Variants in ADCY7 observed in about 807,000 individuals in gnomAD.
ADCY7 encodes the protein adenylate cyclase 7, also known as adenylate cyclase type 7.
A neutral mutation model predicts 120.6 loss-of-function variants in ADCY7; 72 were observed. The ratio of observed to expected loss-of-function variants is 0.60; its 90% CI spans 0.49 to 0.73. ADCY7 has a LOEUF of 0.73. ADCY7 is among the 30% of genes least tolerant of loss of function. The pLI, the probability that ADCY7 is intolerant of heterozygous loss-of-function variation, is 0.00. For synonymous variants in ADCY7, 661 were observed against 628.0 expected (o/e 1.05, Z -0.78); for missense variants, 1,227 against 1,486.0 (o/e 0.83, Z 2.87).
At chr16:50,255,833 T>C (rs780742882) in intron 1 of ADCY7, among the ~76,000 whole-genome samples, 9 of 152,180 alleles carry the variant, frequency 5.9e-5, no homozygotes, top group Non-Finnish European at 1.2e-4. Context: ...GGACCCACTA[T>C]GGGAAAAGGA....
chr16:50,315,790 G>T lies in ADCY7; in HGVS notation c.*285G>T. ...TTCACTGGTTCGGGGCTGACTTTGA[G>T]ATCTTTGTTCCCTGAGGTGCCAGGC... On this transcript the variant is annotated 3_prime_UTR_variant, in exon 26 of 26. Transcript: ENST00000673801. 2.8e-6 allele frequency: 1 copy of T among 356,460 alleles called. No homozygotes were observed. Among genetic ancestry groups the T allele is most frequent in the Admixed American group, 3.9e-5 (1 of 25,466 alleles). The allele number at this position is 356,460 out of a possible 1,614,324, so 22.1% of individuals were successfully genotyped here. A position where few individuals can be genotyped will look rare whatever the true frequency, so the allele number is the denominator to read the frequency against.
intron 1 of ADCY7, among the ~76,000 whole-genome samples, chr16:50,282,185 G>A (rs535959512): frequency 3.2e-4 from 48 of 152,354 alleles, no homozygotes; most frequent in African/African-American, 1.1e-3. Context: ...AACAGTGGCC[G>A]GGTGAGGAAG....
intron 15 of ADCY7, 82 bp downstream of exon 15, chr16:50,307,229 T>C: frequency 1.6e-5 from 22 of 1,396,264 alleles, no homozygotes; most frequent in Non-Finnish European, 2.2e-5. Flanking sequence ...AGGAGCTGTG[T>C]GATTTGGGCT....
At position 50,304,928 on chromosome 16, in the gene ADCY7, G is replaced by A. The variant is rs201247086; in HGVS notation, c.1564G>A (p.Val522Ile). The A allele has an allele frequency of 5.5e-5, 88 of 1,613,538 alleles. No individual in the cohort carries two copies. The highest frequency in any genetic ancestry group is 1.5e-4 in the Admixed American group (9 of 60,022). The part of the protein sequence containing the change: ...HVPNGRRPKS[V>I]PQRHRRTPDR... Reference sequence around the variant, plus strand: ...CCTTTCCTCCCTTCCCTTTCAGAGCGTTCCCCAGCGCCACCGCCGGACCCC... The same window carrying A: ...CCTTTCCTCCCTTCCCTTTCAGAGCATTCCCCAGCGCCACCGCCGGACCCC... Residue 522 changes from valine to isoleucine, a missense_variant, in exon 12 of 26, where the codon GTT becomes ATT. Coordinates refer to ENST00000673801, the MANE Select transcript of ADCY7 (RefSeq NM_001114.5).
At chr16:50,309,824 T>C (rs2036333423) in intron 18 of ADCY7, among the ~76,000 whole-genome samples, 178 bp downstream of exon 18, 1 of 152,224 alleles carries the variant, frequency 6.6e-6, no homozygotes, top group Non-Finnish European at 1.5e-5. Flanking sequence ...AGCTGGCCTC[T>C]GGCCCAAGGG....
At chr16:50,306,823 G>A (rs994679798) in intron 14 of ADCY7, among the ~76,000 whole-genome samples, 3 of 152,168 alleles carry the variant, frequency 2.0e-5, no homozygotes, top group African/African-American at 7.2e-5. Context: ...GGGTGGGAAG[G>A]TTTTAATTAT....
intron 1 of ADCY7, among the ~76,000 whole-genome samples, chr16:50,255,000 AT>A (rs1472809041): frequency 6.6e-6 from 1 of 151,158 alleles, no homozygotes; most frequent in African/African-American, 2.4e-5. Flanking sequence ...AAATAGACAC[AT>A]TGGGCTAGGC....
rs371352667 is a variant in ADCY7, at chr16:50,291,745, T to C, written c.385T>C (p.Phe129Leu). ...AACAWEQVPF[F>L]LFIVFVVYTL... ...CAGGCTGCATCCACAGGTGCCCTTC[T>C]TCCTGTTCATTGTCTTCGTGGTGTA... The change falls in exon 4 of 26, where the codon TTC becomes CTC. Residue 129 changes from phenylalanine to leucine, a missense_variant. Phe to Leu is a conservative substitution (Grantham distance 22, BLOSUM62 0). Transcript: ENST00000673801. 2.1e-5 allele frequency: 34 copies of C among 1,613,992 alleles called. No individual in the cohort carries two copies. Among genetic ancestry groups the C allele is most frequent in the African/African-American group, 1.1e-4 (8 of 74,938 alleles).
intron 1 of ADCY7, among the ~76,000 whole-genome samples, chr16:50,254,128 G>A (rs1471389641): frequency 1.3e-5 from 2 of 152,222 alleles, no homozygotes; most frequent in Non-Finnish European, 2.9e-5. Context: ...CGCTGTGTGA[G>A]ACATGGAGGA....
chr16:50,315,129 G>A lies in ADCY7; in HGVS notation c.3087G>A (p.Gly1029=). ...GAATGGAAAGCACTGGAGAACTTGG[G>A]AAAATCCAGGTAAAGACCTATTGGG... ...ASRMESTGEL[G]KIQVTEETCT... The change falls in exon 25 of 26, where the codon GGG becomes GGA. Residue 1029 remains glycine, a synonymous_variant. Transcript: ENST00000673801. 2 of 1,614,170 alleles carry A rather than the reference G, an allele frequency of 1.2e-6. No individual in the cohort carries two copies. Among genetic ancestry groups the A allele is most frequent in the South Asian group, 2.2e-5 (2 of 91,086 alleles).
At position 50,315,531 on chromosome 16, in the gene ADCY7, C is replaced by A; in HGVS notation, c.*26C>A. 1 of 1,595,612 alleles carries A rather than the reference C, an allele frequency of 6.3e-7. No individual in the cohort carries two copies. The highest frequency in any genetic ancestry group is 1.1e-5 in the South Asian group (1 of 90,706). On this transcript the variant is annotated 3_prime_UTR_variant, in exon 26 of 26. Transcript: ENST00000673801. ...GGGCTCCTGCTGGATTCCGAAAAGGCCGGGAAGCCAGTCTCCTTCCCTGAA... is the reference window on the plus strand; with the variant it reads ...GGGCTCCTGCTGGATTCCGAAAAGGACGGGAAGCCAGTCTCCTTCCCTGAA...
chr16:50,284,215 A>T (rs2034447394), intron 1 of ADCY7, among the ~76,000 whole-genome samples: 1 of 152,004 alleles, frequency 6.6e-6, no homozygotes, highest in Non-Finnish European at 1.5e-5. Context: ...CAGTGAGTTC[A>T]TTCCCCCCAG....
At chr16:50,305,704 T>G in intron 13 of ADCY7, 73 bp from the exon 14 acceptor site, 1 of 1,499,164 alleles carries the variant, frequency 6.7e-7, no homozygotes, top group Admixed American at 1.7e-5. Flanking sequence ...TCCTTCCCCC[T>G]GCCTGCTGCC....
intron 22 of ADCY7, 67 bp from the exon 23 acceptor site, chr16:50,313,891 G>A: frequency 7.3e-7 from 1 of 1,376,028 alleles, no homozygotes; most frequent in East Asian, 2.3e-5. Flanking sequence ...CCCTTCCTGA[G>A]AAGCAGGGGC....
chr16:50,245,070 C>G (rs1596776384), upstream of ADCY7, among the ~76,000 whole-genome samples: 1 of 152,332 alleles, frequency 6.6e-6, no homozygotes, highest in South Asian at 2.1e-4. Context: ...CCAGGCCCAC[C>G]GCGGGGGGCA....
intron 10 of ADCY7, among the ~76,000 whole-genome samples, chr16:50,303,939 G>T (rs2151036514): frequency 6.6e-6 from 1 of 152,226 alleles, no homozygotes; most frequent in South Asian, 2.1e-4. Flanking sequence ...GGCGCCTCCT[G>T]GGGAGGAGCT....
At chr16:50,247,610 G>A (rs950497005) in intron 1 of ADCY7, among the ~76,000 whole-genome samples, 2 of 146,012 alleles carry the variant, frequency 1.4e-5, no homozygotes, top group Non-Finnish European at 3.0e-5. Context: ...GAACTCCCGG[G>A]CTCAAGTGAT....
intron 10 of ADCY7, among the ~76,000 whole-genome samples, chr16:50,301,434 C>T (rs1349085420): frequency 6.6e-6 from 1 of 152,238 alleles, no homozygotes; most frequent in Non-Finnish European, 1.5e-5. Flanking sequence ...AAAACAGCGC[C>T]TGCCTCACCA....
At chr16:50,300,913 G>A (rs1290842735) in intron 9 of ADCY7, 40 bp downstream of exon 9, 3 of 1,545,084 alleles carry the variant, frequency 1.9e-6, no homozygotes, top group African/African-American at 1.4e-5. Context: ...AGAGGCCTGG[G>A]GCTGGCTGTG....
Sources: allele counts gnomAD v4.1 joint callset (sites outside exome capture counted in the v4.1 genomes callset), GRCh38; gene constraint gnomAD v4.1.1; transcripts MANE v1.5; gene names NCBI Gene and HGNC (gene_info 2026-07-23, HGNC 2026-07-21).